Variants in PRKACB observed in about 807,000 individuals in gnomAD.
The protein encoded by PRKACB is protein kinase cAMP-activated catalytic subunit beta.
PRKACB carries 16 observed loss-of-function variants against 51.4 expected under a neutral mutation model. The ratio of observed to expected loss-of-function variants is 0.31; its 90% CI spans 0.21 to 0.47. The LOEUF is 0.47. Ranked by LOEUF, PRKACB falls within the 20% of genes least tolerant of loss-of-function variation. The pLI, the probability that PRKACB is intolerant of heterozygous loss-of-function variation, is 1.00. For synonymous variants in PRKACB, 147 were observed against 154.4 expected (o/e 0.95, Z 0.35); for missense variants, 309 against 464.5 (o/e 0.67, Z 3.08).
At chr1:84,095,425 G>A (rs1160073484) in intron 1 of PRKACB, among the ~76,000 whole-genome samples, 1 of 151,684 alleles carries the variant, frequency 6.6e-6, no homozygotes, top group Non-Finnish European at 1.5e-5. Flanking sequence ...TGGAATTTTA[G>A]GTTGAGAATT....
At chr1:84,204,489 G>T (rs759985119) in intron 8 of PRKACB, 3 of 1,597,084 alleles carry the variant, frequency 1.9e-6, no homozygotes, top group South Asian at 1.1e-5. Context: ...CAGAACTTTT[G>T]ATATGAACAA....
intron 1 of PRKACB, among the ~76,000 whole-genome samples, chr1:84,153,424 C>A (rs1655074145): frequency 1.4e-5 from 2 of 141,208 alleles, no homozygotes; most frequent in Non-Finnish European, 1.6e-5. Context: ...AAGCAACACA[C>A]AATAAAATGA....
chr1:84,196,588 G>C lies in PRKACB; in HGVS notation c.561-28G>C, dbSNP rs147814452. 2.2e-4 allele frequency: 348 copies of C among 1,595,696 alleles called. 3 individuals carry two copies. In the African/African-American group the frequency reaches 3.1e-3, roughly 14 times the overall value. Reference sequence around the variant, plus strand: ...TAGAATGTATTAACTCATTTTTACAGAAAATCAATGGTTTTATTTCTTTGC... The same window carrying C: ...TAGAATGTATTAACTCATTTTTACACAAAATCAATGGTTTTATTTCTTTGC... On this transcript the variant is annotated intron_variant, in intron 5 of 9. Transcript: ENST00000370685.
chr1:84,186,828 T>C (rs1288729701), intron 5 of PRKACB, among the ~76,000 whole-genome samples: 1 of 151,976 alleles, frequency 6.6e-6, no homozygotes, highest in African/African-American at 2.4e-5. Context: ...GAAGGAAAAT[T>C]TTTCTCAAAG....
chr1:84,189,978 T>C (rs1666269584), intron 5 of PRKACB, among the ~76,000 whole-genome samples: 1 of 151,970 alleles, frequency 6.6e-6, no homozygotes, highest in South Asian at 2.1e-4. Flanking sequence ...AAAACTTTTT[T>C]CATAAGGTCC....
At chr1:84,105,719 G>A (rs1250552870) in intron 1 of PRKACB, among the ~76,000 whole-genome samples, 1 of 152,008 alleles carries the variant, frequency 6.6e-6, no homozygotes, top group African/African-American at 2.4e-5. Context: ...GGGATTACAG[G>A]TGCACGCCAC....
chr1:84,179,334 T>G, intron 2 of PRKACB, 96 bp downstream of exon 2: 1 of 1,352,096 alleles, frequency 7.4e-7, no homozygotes, highest in East Asian at 2.7e-5. Flanking sequence ...AATTTTAATT[T>G]TCATGTGGTG....
chr1:84,192,563 A>G (rs562666838), intron 5 of PRKACB, among the ~76,000 whole-genome samples: 1 of 152,284 alleles, frequency 6.6e-6, no homozygotes, highest in East Asian at 1.9e-4. Context: ...TTTAGTCTAG[A>G]TTAGGATAAA....
At chr1:84,225,678 C>G in intron 9 of PRKACB, among the ~76,000 whole-genome samples, 1 of 152,070 alleles carries the variant, frequency 6.6e-6, no homozygotes, top group East Asian at 1.9e-4. Flanking sequence ...TGTGTGAACT[C>G]CAGGCAGGTC....
chr1:84,169,396 ATGT>A (rs952648888), intron 1 of PRKACB, among the ~76,000 whole-genome samples: 43 of 151,784 alleles, frequency 2.8e-4, no homozygotes, highest in African/African-American at 1.0e-3. Context: ...AAGAAGCATA[ATGT>A]TGTGATAGGA....
At chr1:84,180,183 G>GATATATAT (rs3051182) in intron 2 of PRKACB, among the ~76,000 whole-genome samples, 1,658 of 32,032 alleles carry the variant, frequency 0.052, 246 homozygotes, top group African/African-American at 0.091. Context: ...AAGAAACTGT[G>GATATATAT]ATATATATAT....
At chr1:84,159,578 C>G (rs1456587444) in intron 1 of PRKACB, among the ~76,000 whole-genome samples, 1 of 151,908 alleles carries the variant, frequency 6.6e-6, no homozygotes, top group Non-Finnish European at 1.5e-5. Context: ...TCTTCTTTAT[C>G]CTTTAATATC....
chr1:84,145,214 G>A (rs1653890173), intron 1 of PRKACB, among the ~76,000 whole-genome samples: 1 of 152,058 alleles, frequency 6.6e-6, no homozygotes, highest in South Asian at 2.1e-4. Flanking sequence ...TTGCTAAAAT[G>A]GTGCTGGGGA....
chr1:84,234,325 G>T (rs1676316752), intron 9 of PRKACB, among the ~76,000 whole-genome samples: 1 of 152,210 alleles, frequency 6.6e-6, no homozygotes, highest in Non-Finnish European at 1.5e-5. Context: ...AAAGCTGTCA[G>T]ACAGGGACAT....
chr1:84,144,701 A>T (rs986411009), intron 1 of PRKACB, among the ~76,000 whole-genome samples, 153 bp downstream of exon 1: 1 of 152,098 alleles, frequency 6.6e-6, no homozygotes, highest in African/African-American at 2.4e-5. Context: ...TTCCATAAAA[A>T]CTTGATTATA....
chr1:84,081,238 C>T (rs1205380924), intron 1 of PRKACB, among the ~76,000 whole-genome samples: 2 of 152,108 alleles, frequency 1.3e-5, no homozygotes, highest in Non-Finnish European at 2.9e-5. Context: ...TCTTGGTTAA[C>T]TTTAACTATC....
chr1:84,175,008 T>G lies in PRKACB; in HGVS notation c.188-4169T>G, dbSNP rs582201. 0.99 allele frequency: 1,441,980 copies of G among 1,460,150 alleles called. 712,347 individuals carry two copies. The highest frequency in any genetic ancestry group is 1 in the Non-Finnish European group (1,098,940 of 1,104,454). The allele number at this position is 1,460,150 out of a possible 1,614,324, so 90.4% of individuals were successfully genotyped here. The stretch of plus-strand genomic sequence containing the variant: ...ATGTTATTCATATAATTTAATCATT[T>G]TCTAATTTATTTTTTGGACACAAGC... On this transcript the variant is annotated intron_variant, in intron 1 of 9. Transcript: ENST00000370685.
At chr1:84,165,664 A>G (rs1158411704) in intron 1 of PRKACB, among the ~76,000 whole-genome samples, 3 of 151,816 alleles carry the variant, frequency 2.0e-5, no homozygotes, top group African/African-American at 7.2e-5. Flanking sequence ...TTTTTTCTAA[A>G]TATTTCCAAA....
At chr1:84,105,096 T>G (rs1649628938) in intron 1 of PRKACB, among the ~76,000 whole-genome samples, 1 of 152,200 alleles carries the variant, frequency 6.6e-6, no homozygotes, top group African/African-American at 2.4e-5. Flanking sequence ...GACTGAAAAT[T>G]TCTTAAATAC....
Sources: gnomAD v4.1 joint callset for allele counts (sites outside exome capture counted in the v4.1 genomes callset) on GRCh38, gnomAD v4.1.1 for gene constraint, MANE v1.5 for transcripts, NCBI Gene and HGNC (gene_info 2026-07-23, HGNC 2026-07-21) for gene names.